Variants in SPOCK1 observed in about 807,000 individuals in gnomAD.
SPOCK1 encodes the protein SPARC (osteonectin), cwcv and kazal like domains proteoglycan 1.
A neutral mutation model predicts 55.3 loss-of-function variants in SPOCK1; 23 were observed. The observed-to-expected ratio is 0.42, with a 90% CI of 0.30 to 0.59. The LOEUF is 0.59. Ranked by LOEUF, SPOCK1 falls within the 20% of genes least tolerant of loss-of-function variation. The pLI is 0.22. For synonymous variants in SPOCK1, 226 were observed against 221.0 expected (o/e 1.02, Z -0.20); for missense variants, 499 against 552.5 (o/e 0.90, Z 0.97).
chr5:137,444,030 AC>A (rs1486018022), intron 2 of SPOCK1, among the ~76,000 whole-genome samples: 1 of 152,226 alleles, frequency 6.6e-6, no homozygotes, highest in Non-Finnish European at 1.5e-5. Context: ...AAAGCGTGAC[AC>A]AGTGAGATGT....
intron 2 of SPOCK1, among the ~76,000 whole-genome samples, chr5:137,306,050 T>C (rs1757696303): frequency 6.6e-6 from 1 of 152,130 alleles, no homozygotes; most frequent in African/African-American, 2.4e-5. Flanking sequence ...GTCACTTCTG[T>C]GTATAGTTAG....
intron 2 of SPOCK1, among the ~76,000 whole-genome samples, chr5:137,496,571 T>C (rs189948052): frequency 1.3e-5 from 2 of 152,340 alleles, no homozygotes; most frequent in South Asian, 2.1e-4. Context: ...CTTCCACCTC[T>C]AGCAAAGTCA....
chr5:137,119,182 C>A (rs2905965), intron 4 of SPOCK1, among the ~76,000 whole-genome samples: 7 of 152,128 alleles, frequency 4.6e-5, no homozygotes, highest in Non-Finnish European at 8.8e-5. Context: ...TAATAAGAGT[C>A]TTTGTTTCCT....
chr5:137,071,350 G>T (rs1752612941), intron 5 of SPOCK1, among the ~76,000 whole-genome samples: 1 of 152,044 alleles, frequency 6.6e-6, no homozygotes, highest in South Asian at 2.1e-4. Flanking sequence ...AGATACATGT[G>T]GTAAAAGCTC....
rs142537050 is a variant in SPOCK1, at chr5:136,985,807, A to T, written c.929-605T>A. 2.5e-3 allele frequency among the ~76,000 whole-genome samples: 384 copies of T among 152,336 alleles called. 6 individuals carry two copies. The highest frequency in any genetic ancestry group is 8.5e-3 in the African/African-American group (355 of 41,560). The stretch of plus-strand genomic sequence containing the variant: ...CTCTGGGTCCTCAGCGGCAAAATGC[A>T]TGTCATAGAAAAGAAGTTAGTTTCA... On this transcript the variant is annotated intron_variant, in intron 8 of 10. Coordinates refer to ENST00000394945, the MANE Select transcript of SPOCK1 (RefSeq NM_004598.4).
At chr5:137,436,732 T>C (rs1021331437) in intron 2 of SPOCK1, among the ~76,000 whole-genome samples, 8 of 152,212 alleles carry the variant, frequency 5.3e-5, no homozygotes, top group Non-Finnish European at 1.0e-4. Flanking sequence ...AGAGAGAAAC[T>C]GGCAGCACAT....
chr5:137,441,739 G>A (rs1753019525), intron 2 of SPOCK1, among the ~76,000 whole-genome samples: 1 of 152,142 alleles, frequency 6.6e-6, no homozygotes, highest in South Asian at 2.1e-4. Context: ...TAGCAAAAGA[G>A]CACAGACCCA....
At chr5:137,089,737 C>T (rs1319174088) in intron 5 of SPOCK1, among the ~76,000 whole-genome samples, 3 of 146,414 alleles carry the variant, frequency 2.0e-5, no homozygotes, top group African/African-American at 5.1e-5. Flanking sequence ...GAAACAGAAA[C>T]GCCAAATCTA....
intron 3 of SPOCK1, among the ~76,000 whole-genome samples, chr5:137,257,227 A>G (rs543144223): frequency 6.6e-6 from 1 of 152,352 alleles, no homozygotes; most frequent in Non-Finnish European, 1.5e-5. Context: ...CATTTCCTTC[A>G]TATCTCTTAA....
At chr5:137,278,495 C>T (rs754289941) in intron 2 of SPOCK1, among the ~76,000 whole-genome samples, 2 of 152,146 alleles carry the variant, frequency 1.3e-5, no homozygotes, top group Non-Finnish European at 2.9e-5. Context: ...AGTGGGCATC[C>T]CCTCTCTGAG....
At chr5:137,438,047 A>G (rs1232368061) in intron 2 of SPOCK1, among the ~76,000 whole-genome samples, 1 of 152,176 alleles carries the variant, frequency 6.6e-6, no homozygotes, top group Non-Finnish European at 1.5e-5. Flanking sequence ...TTCACTTAGC[A>G]TAATGGCCCC....
chr5:137,253,312 T>C lies in SPOCK1; in HGVS notation c.232+13698A>G, dbSNP rs554509501. On this transcript the variant is annotated intron_variant, in intron 3 of 10. Coordinates refer to ENST00000394945, the MANE Select transcript of SPOCK1 (RefSeq NM_004598.4). ...ACACCCAGTAATTCTGCCATTTTTC[T>C]TTCTTACTCCCTTGTATTTGCAATG... 2.9e-4 allele frequency among the ~76,000 whole-genome samples: 44 copies of C among 152,336 alleles called. No homozygotes were observed. In the South Asian group the frequency reaches 8.7e-3, roughly 30 times the overall value.
chr5:137,150,833 TCA>T (rs777588249), intron 3 of SPOCK1, among the ~76,000 whole-genome samples: 10 of 151,782 alleles, frequency 6.6e-5, no homozygotes, highest in Non-Finnish European at 1.5e-4. Flanking sequence ...GGATCTCAAA[TCA>T]CCTCTCAGAG....
intron 6 of SPOCK1, among the ~76,000 whole-genome samples, chr5:137,036,436 C>G (rs532293415): frequency 6.8e-6 from 1 of 147,264 alleles, no homozygotes; most frequent in South Asian, 2.1e-4. Flanking sequence ...TCCCTAAGCT[C>G]TCTCTACTTT....
chr5:137,257,656 G>A (rs994534863), intron 3 of SPOCK1, among the ~76,000 whole-genome samples: 7 of 152,172 alleles, frequency 4.6e-5, no homozygotes, highest in Admixed American at 4.6e-4. Flanking sequence ...CTGCAGCACT[G>A]AGCGATAAGC....
chr5:137,280,473 A>T (rs1757149540), intron 2 of SPOCK1, among the ~76,000 whole-genome samples: 1 of 152,246 alleles, frequency 6.6e-6, no homozygotes, highest in South Asian at 2.1e-4. Flanking sequence ...GAATGCACTG[A>T]AAGAATACAA....
chr5:137,306,709 CT>C lies in SPOCK1; in HGVS notation c.187-39655del, dbSNP rs70979533. Reference sequence around the variant, plus strand: ...TTAATTCACAATGTAAATCTGTTTTCTTTTTTTTTTCAGACCCGACCATGTT... The same window carrying C: ...TTAATTCACAATGTAAATCTGTTTTCTTTTTTTTTCAGACCCGACCATGTT... On this transcript the variant is annotated intron_variant, in intron 2 of 10. Transcript: ENST00000394945. Among the ~76,000 whole-genome samples, 465 of 149,736 alleles carry C rather than the reference CT, an allele frequency of 3.1e-3. 3 individuals are homozygous for C. Among genetic ancestry groups the C allele is most frequent in the African/African-American group, 0.011 (443 of 40,788 alleles).
intron 3 of SPOCK1, among the ~76,000 whole-genome samples, chr5:137,177,306 G>A (rs1161438657): frequency 1.3e-5 from 2 of 152,188 alleles, no homozygotes; most frequent in African/African-American, 4.8e-5. Flanking sequence ...TAGGTGTCCT[G>A]CAGTACAGGT....
chr5:137,118,847 C>T (rs896207584), intron 4 of SPOCK1, among the ~76,000 whole-genome samples: 2 of 152,226 alleles, frequency 1.3e-5, no homozygotes, highest in Non-Finnish European at 2.9e-5. Flanking sequence ...TGTTTTCGCT[C>T]TGCATATGAA....
Sources: gnomAD v4.1 joint callset for allele counts (sites outside exome capture counted in the v4.1 genomes callset) on GRCh38, gnomAD v4.1.1 for gene constraint, MANE v1.5 for transcripts, NCBI Gene and HGNC (gene_info 2026-07-23, HGNC 2026-07-21) for gene names.